Variants in SGCZ observed in about 807,000 individuals in gnomAD.
SGCZ encodes zeta-sarcoglycan.
SGCZ carries 40 observed loss-of-function variants against 41.3 expected under a neutral mutation model. The observed-to-expected ratio is 0.97, with a 90% CI of 0.75 to 1.26. The LOEUF (loss-of-function observed/expected upper bound fraction) is 1.26. Ranked by LOEUF, SGCZ falls within the 50% of genes most tolerant of loss-of-function variation. The probability of loss-of-function intolerance (pLI) is 0.00; values close to 1 mark genes in which losing one functional copy is unlikely to be tolerated. For synonymous variants in SGCZ, 206 were observed against 137.5 expected (o/e 1.50, Z -3.49); for missense variants, 552 against 369.8 (o/e 1.49, Z -4.04).
intron 4 of SGCZ, among the ~76,000 whole-genome samples, chr8:14,231,735 A>G (rs1486794309): frequency 6.6e-6 from 1 of 152,150 alleles, no homozygotes; most frequent in Non-Finnish European, 1.5e-5. Context: ...AATAGGGCAT[A>G]TCATCCAGAT....
chr8:14,886,023 ATATATATATAT>A (rs1804788236), intron 1 of SGCZ, among the ~76,000 whole-genome samples: 2 of 116,686 alleles, frequency 1.7e-5, no homozygotes, highest in Non-Finnish European at 3.7e-5. Context: ...ATATATATAT[ATATATATATAT>A]AAAATTGTAT....
intron 1 of SGCZ, among the ~76,000 whole-genome samples, chr8:15,070,730 T>G (rs1365915186): frequency 1.3e-5 from 2 of 152,242 alleles, no homozygotes; most frequent in Non-Finnish European, 2.9e-5. Flanking sequence ...TACAGTTAAC[T>G]TCTTTTAACT....
At chr8:15,163,050 C>G (rs1472858044) in intron 1 of SGCZ, among the ~76,000 whole-genome samples, 3 of 152,186 alleles carry the variant, frequency 2.0e-5, no homozygotes, top group Non-Finnish European at 4.4e-5. Context: ...CTCAGGTATG[C>G]TATGACTAGG....
chr8:14,596,777 T>G (rs1388058316), intron 1 of SGCZ, among the ~76,000 whole-genome samples: 1 of 152,144 alleles, frequency 6.6e-6, no homozygotes, highest in East Asian at 1.9e-4. Context: ...CCATGGCACA[T>G]GTATACCTAT....
intron 1 of SGCZ, among the ~76,000 whole-genome samples, chr8:14,896,184 T>C (rs1805191749): frequency 6.6e-6 from 1 of 152,192 alleles, no homozygotes; most frequent in South Asian, 2.1e-4. Context: ...TTTCTTTTAT[T>C]TTGGTCACAT....
chr8:14,432,292 T>C lies in SGCZ; in HGVS notation c.235-108088A>G, dbSNP rs1585504057. 2.6e-5 allele frequency among the ~76,000 whole-genome samples: 4 copies of C among 152,162 alleles called. No individual in the cohort carries two copies. In the South Asian group the frequency reaches 8.3e-4, roughly 32 times the overall value. ...GTGGAAAAACCCAAATGCCCATCGATCAACAAATAGATAAAGAAACTGTGG... is the reference window on the plus strand; with the variant it reads ...GTGGAAAAACCCAAATGCCCATCGACCAACAAATAGATAAAGAAACTGTGG... On this transcript the variant is annotated intron_variant, in intron 2 of 7. Coordinates refer to ENST00000382080, the MANE Select transcript of SGCZ (RefSeq NM_139167.4).
In SGCZ at chr8:14,544,270, A is replaced by G. The variant is rs367555142; in HGVS notation, c.234+10462T>C. On this transcript the variant is annotated intron_variant, in intron 2 of 7. Transcript: ENST00000382080. ...TTATCTTCATAAGCTGAGGATGTAC[A>G]TCACCTCAGAACCACTGTGATAACT... is the stretch of plus-strand genomic sequence containing the variant. 5.0e-4 allele frequency among the ~76,000 whole-genome samples: 76 copies of G among 152,270 alleles called. 2 individuals carry two copies. The highest frequency in any genetic ancestry group is 1.7e-3 in the African/African-American group (72 of 41,562).
At chr8:15,221,763 T>C (rs183786421) in intron 1 of SGCZ, among the ~76,000 whole-genome samples, 2 of 152,290 alleles carry the variant, frequency 1.3e-5, no homozygotes, top group East Asian at 3.9e-4. Flanking sequence ...ATTTAACTCA[T>C]CTTTGCACAA....
chr8:15,200,038 A>G (rs1019838570), intron 1 of SGCZ, among the ~76,000 whole-genome samples: 7 of 152,200 alleles, frequency 4.6e-5, no homozygotes. Context: ...GTTTTAAAGG[A>G]CCAAAGTTAG....
intron 1 of SGCZ, among the ~76,000 whole-genome samples, chr8:14,915,060 A>G (rs1335914317): frequency 1.3e-5 from 2 of 152,316 alleles, no homozygotes; most frequent in East Asian, 3.9e-4. Flanking sequence ...TTCAGCTAGT[A>G]AAAGCTCTTT....
chr8:14,304,949 A>T (rs1165489545), intron 3 of SGCZ, among the ~76,000 whole-genome samples: 2 of 152,170 alleles, frequency 1.3e-5, no homozygotes, highest in Non-Finnish European at 2.9e-5. Flanking sequence ...TAGCAAAATT[A>T]TCAATAAATT....
chr8:14,691,865 T>A (rs1005713413), intron 1 of SGCZ, among the ~76,000 whole-genome samples: 2 of 152,000 alleles, frequency 1.3e-5, no homozygotes, highest in Non-Finnish European at 2.9e-5. Flanking sequence ...ATACATAATT[T>A]TATAACTGTT....
intron 1 of SGCZ, among the ~76,000 whole-genome samples, chr8:14,628,313 T>G (rs1806530917): frequency 1.3e-5 from 2 of 150,700 alleles, no homozygotes; most frequent in African/African-American, 4.9e-5. Flanking sequence ...AAATTTTAAT[T>G]TACCTATAAG....
chr8:15,026,079 G>C (rs1250862009), intron 1 of SGCZ, among the ~76,000 whole-genome samples: 1 of 150,508 alleles, frequency 6.6e-6, no homozygotes, highest in African/African-American at 2.4e-5. Context: ...TTTCTTTTTA[G>C]ACTATTTACT....
At chr8:14,842,811 G>C (rs181082716) in intron 1 of SGCZ, among the ~76,000 whole-genome samples, 135 of 152,244 alleles carry the variant, frequency 8.9e-4, no homozygotes, top group Admixed American at 8.8e-3. Flanking sequence ...TTCAGGAGAG[G>C]CTATTATAGC....
At chr8:14,330,060 T>C (rs1395674021) in intron 2 of SGCZ, among the ~76,000 whole-genome samples, 2 of 152,182 alleles carry the variant, frequency 1.3e-5, no homozygotes, top group Non-Finnish European at 2.9e-5. Flanking sequence ...AAGAAGGCCA[T>C]GATTAATATC....
At chr8:14,901,309 G>A (rs539404820) in intron 1 of SGCZ, among the ~76,000 whole-genome samples, 14 of 152,260 alleles carry the variant, frequency 9.2e-5, no homozygotes, top group African/African-American at 3.1e-4. Context: ...TGAAGGAACA[G>A]AAAGGCATCT....
intron 5 of SGCZ, among the ~76,000 whole-genome samples, chr8:14,156,608 T>C (rs563351264): frequency 1.3e-5 from 2 of 152,376 alleles, no homozygotes; most frequent in Non-Finnish European, 2.9e-5. Context: ...CAACCATGTA[T>C]AGCTGTACAA....
At chr8:14,169,511 T>C (rs953106193) in intron 4 of SGCZ, among the ~76,000 whole-genome samples, 1 of 152,124 alleles carries the variant, frequency 6.6e-6, no homozygotes, top group Non-Finnish European at 1.5e-5. Context: ...CACACTTTCA[T>C]TTACTTTTCC....
Sources: allele counts gnomAD v4.1 joint callset (sites outside exome capture counted in the v4.1 genomes callset), GRCh38; gene constraint gnomAD v4.1.1; transcripts MANE v1.5; gene names NCBI Gene and HGNC (gene_info 2026-07-23, HGNC 2026-07-21).